ABLIM1: variants seen among roughly 807,000 people sequenced by gnomAD.
ABLIM1 encodes actin-binding LIM protein 1.
Under a neutral mutation model 107.0 loss-of-function variants are expected in ABLIM1, and 40 were observed. The observed-to-expected ratio is 0.37, with a 90% confidence interval of 0.29 to 0.49. ABLIM1 has a LOEUF of 0.49. ABLIM1 is among the 20% of genes least tolerant of loss of function. ABLIM1 has a pLI of 0.97. For synonymous variants in ABLIM1, 357 were observed against 357.3 expected (o/e 1.00, Z 0.01); for missense variants, 857 against 1,008.5 (o/e 0.85, Z 2.04).
intron 6 of ABLIM1, among the ~76,000 whole-genome samples, chr10:114,499,908 C>T (rs980286224): frequency 6.6e-6 from 1 of 152,194 alleles, no homozygotes; most frequent in Non-Finnish European, 1.5e-5. Flanking sequence ...TCCAATGCAA[C>T]TGGACTGGCT....
At chr10:114,583,115 C>G (rs1328163362) in intron 2 of ABLIM1, among the ~76,000 whole-genome samples, 2 of 151,398 alleles carry the variant, frequency 1.3e-5, no homozygotes, top group Non-Finnish European at 2.9e-5. Flanking sequence ...ACTGTGCATC[C>G]AACAAAAGTC....
chr10:114,476,114 T>C (rs2056348361), intron 8 of ABLIM1, among the ~76,000 whole-genome samples: 1 of 152,156 alleles, frequency 6.6e-6, no homozygotes, highest in South Asian at 2.1e-4. Context: ...TGATCAGTCT[T>C]TTTCAGCCAA....
At chr10:114,625,273 T>C (rs2077716050) in intron 1 of ABLIM1, among the ~76,000 whole-genome samples, 1 of 152,174 alleles carries the variant, frequency 6.6e-6, no homozygotes, top group African/African-American at 2.4e-5. Flanking sequence ...GAGGAATTAT[T>C]ACACCACAGT....
chr10:114,517,059 T>C (rs997424395), intron 6 of ABLIM1, among the ~76,000 whole-genome samples: 7 of 152,116 alleles, frequency 4.6e-5, no homozygotes, highest in African/African-American at 1.4e-4. Flanking sequence ...GAACAAGGCT[T>C]TTGCCCCTTT....
intron 1 of ABLIM1, among the ~76,000 whole-genome samples, chr10:114,720,693 CT>C (rs1162335714): frequency 1.3e-5 from 2 of 151,142 alleles, no homozygotes; most frequent in African/African-American, 4.9e-5. Flanking sequence ...CCTGGATCAA[CT>C]ATGGGAGTAA....
At chr10:114,730,190 G>A (rs2082042821) in intron 1 of ABLIM1, among the ~76,000 whole-genome samples, 1 of 152,050 alleles carries the variant, frequency 6.6e-6, no homozygotes, top group Non-Finnish European at 1.5e-5. Flanking sequence ...TTGAGGTCAG[G>A]AGTTCCAGAC....
In ABLIM1 at chr10:114,436,146, T is replaced by C. The variant is rs1208073487; in HGVS notation, c.*114A>G. ...TTAACCAGACTTTCTCTTTTTGGTG[T>C]TGCTGAGCGACGGTAGTTTGCAAAT... On this transcript the variant is annotated 3_prime_UTR_variant, in exon 23 of 23. Coordinates refer to ENST00000533213, the MANE Select transcript of ABLIM1 (RefSeq NM_002313.7). 2.7e-5 allele frequency: 20 copies of C among 746,818 alleles called. No individual in the cohort carries two copies. The highest frequency in any genetic ancestry group is 4.0e-5 in the Non-Finnish European group (18 of 448,706). The allele number at this position is 746,818 out of a possible 1,614,324, so 46.3% of individuals were successfully genotyped here. A position where few individuals can be genotyped will look rare whatever the true frequency, so the allele number is the denominator to read the frequency against.
At chr10:114,512,884 G>GA (rs2062119331) in intron 6 of ABLIM1, among the ~76,000 whole-genome samples, 1 of 150,346 alleles carries the variant, frequency 6.7e-6, no homozygotes, top group South Asian at 2.1e-4. Context: ...AGGAAGGAAG[G>GA]AAGGAAGGAA....
In ABLIM1 at chr10:114,684,615, T is replaced by C. The variant is rs2080885168; in HGVS notation, c.-262A>G. 4.0e-6 allele frequency: 5 copies of C among 1,242,924 alleles called. No individual in the cohort carries two copies. In the East Asian group the frequency reaches 1.5e-4, roughly 38 times the overall value. The allele number at this position is 1,242,924 out of a possible 1,614,324, so 77.0% of individuals were successfully genotyped here. A position where few individuals can be genotyped will look rare whatever the true frequency, so the allele number is the denominator to read the frequency against. Reference sequence around the variant, plus strand: ...CTTCTCTCGACCCTGCCCCTACCACTTCTAAAGAGACCCCTTGCAAAAGCA... The same window carrying C: ...CTTCTCTCGACCCTGCCCCTACCACCTCTAAAGAGACCCCTTGCAAAAGCA... On this transcript the variant is annotated 5_prime_UTR_variant, in exon 1 of 24. Transcript: ENST00000369256.
At chr10:114,698,711 A>G (rs1022487668) in intron 1 of ABLIM1, among the ~76,000 whole-genome samples, 1 of 152,220 alleles carries the variant, frequency 6.6e-6, no homozygotes, top group Non-Finnish European at 1.5e-5. Context: ...GACTCAGACT[A>G]CCATGAGGCT....
chr10:114,557,802 G>C (rs1250919784), intron 4 of ABLIM1, among the ~76,000 whole-genome samples: 9 of 133,818 alleles, frequency 6.7e-5, no homozygotes, highest in Non-Finnish European at 1.4e-4. Flanking sequence ...TGTTTTATCT[G>C]AGTTCCTTTC....
chr10:114,473,987 C>T (rs540685519), intron 8 of ABLIM1, 31 bp from the exon 9 acceptor site: 35 of 1,558,516 alleles, frequency 2.2e-5, no homozygotes, highest in South Asian at 1.1e-4. Context: ...TGTAAGACTT[C>T]GGACCCTGGC....
At chr10:114,704,302 C>CTCTATATATATATATATATA (rs1380460034) in intron 1 of ABLIM1, among the ~76,000 whole-genome samples, 6 of 43,090 alleles carry the variant, frequency 1.4e-4, no homozygotes, top group Non-Finnish European at 2.4e-4. Context: ...CTCTCTCTCT[C>CTCTATATATATATATATATA]TATATATATA....
chr10:114,606,525 C>T (rs1395737342), intron 1 of ABLIM1, among the ~76,000 whole-genome samples: 2 of 152,122 alleles, frequency 1.3e-5, no homozygotes, highest in Non-Finnish European at 2.9e-5. Flanking sequence ...TAAGGCACCG[C>T]ACCCAGCCCA....
chr10:114,687,286 C>T (rs2080963677), upstream of ABLIM1, among the ~76,000 whole-genome samples: 2 of 152,184 alleles, frequency 1.3e-5, no homozygotes, highest in Non-Finnish European at 2.9e-5. Flanking sequence ...CAACTATGAA[C>T]TTTTCACAAA....
chr10:114,709,188 C>T (rs2081489951), intron 1 of ABLIM1, among the ~76,000 whole-genome samples: 1 of 152,160 alleles, frequency 6.6e-6, no homozygotes, highest in African/African-American at 2.4e-5. Flanking sequence ...TATGGAAATG[C>T]AAGACCAGAA....
intron 1 of ABLIM1, among the ~76,000 whole-genome samples, chr10:114,742,674 A>T (rs2142308099): frequency 6.6e-6 from 1 of 152,324 alleles, no homozygotes; most frequent in South Asian, 2.1e-4. Flanking sequence ...CATGCTTGTA[A>T]TCCCAGCACT....
upstream of ABLIM1, among the ~76,000 whole-genome samples, chr10:114,662,658 G>A (rs1044356404): frequency 4.6e-5 from 7 of 152,104 alleles, no homozygotes; most frequent in South Asian, 2.1e-4. Context: ...TTCTCTTCCC[G>A]TAATGCCACT....
At chr10:114,584,160 G>GAAAAGAAAAGAAAAGA (rs1473958362) in intron 2 of ABLIM1, among the ~76,000 whole-genome samples, 1 of 151,634 alleles carries the variant, frequency 6.6e-6, no homozygotes, top group African/African-American at 2.4e-5. Context: ...GAAAAGAAAA[G>GAAAAGAAAAGAAAAGA]AAAGTCCTGT....
Sources: allele counts gnomAD v4.1 joint callset (sites outside exome capture counted in the v4.1 genomes callset), GRCh38; gene constraint gnomAD v4.1.1; transcripts MANE v1.5; gene names NCBI Gene and HGNC (gene_info 2026-07-23, HGNC 2026-07-21).